GABRB1: variants seen among roughly 807,000 people sequenced by gnomAD.
GABRB1 encodes gamma-aminobutyric acid receptor subunit beta-1.
GABRB1 carries 17 observed loss-of-function variants against 51.6 expected under a neutral mutation model. The ratio of observed to expected loss-of-function variants is 0.33; its 90% CI spans 0.23 to 0.49. The LOEUF (loss-of-function observed/expected upper bound fraction) is 0.49. Ranked by LOEUF, GABRB1 falls within the 20% of genes least tolerant of loss-of-function variation. The pLI, the probability that GABRB1 is intolerant of heterozygous loss-of-function variation, is 0.99. For missense variants in GABRB1, 410 were observed against 600.6 expected (o/e 0.68, Z 3.32); for synonymous variants, 247 against 218.9 (o/e 1.13, Z -1.14).
At chr4:47,355,567 A>G (rs1011649234) in intron 5 of GABRB1, among the ~76,000 whole-genome samples, 2 of 152,164 alleles carry the variant, frequency 1.3e-5, no homozygotes, top group Non-Finnish European at 2.9e-5. Flanking sequence ...TGTGGTCTAA[A>G]GGGTTTCTGA....
intron 3 of GABRB1, among the ~76,000 whole-genome samples, chr4:47,093,542 T>C (rs1193857375): frequency 6.6e-6 from 1 of 152,208 alleles, no homozygotes; most frequent in Admixed American, 6.5e-5. Flanking sequence ...AAAGTTGTAG[T>C]CAGTAATTAT....
intron 4 of GABRB1, among the ~76,000 whole-genome samples, chr4:47,169,943 A>C (rs1210983944): frequency 1.3e-5 from 2 of 152,172 alleles, no homozygotes. Context: ...CCATTATAGA[A>C]ATGAAACTAA....
intron 3 of GABRB1, among the ~76,000 whole-genome samples, chr4:47,074,714 T>C (rs1727476735): frequency 6.6e-6 from 1 of 152,146 alleles, no homozygotes; most frequent in South Asian, 2.1e-4. Context: ...AAGAGATGAC[T>C]TTTGAGCCTT....
intron 4 of GABRB1, among the ~76,000 whole-genome samples, chr4:47,313,925 G>A (rs767170761): frequency 6.6e-6 from 1 of 151,998 alleles, no homozygotes; most frequent in Non-Finnish European, 1.5e-5. Context: ...ATTCAAGTTA[G>A]ACCAGTGAAA....
chr4:47,294,010 G>A (rs2109926417), intron 4 of GABRB1, among the ~76,000 whole-genome samples: 1 of 152,156 alleles, frequency 6.6e-6, no homozygotes, highest in African/African-American at 2.4e-5. Flanking sequence ...ATGCCCCAAA[G>A]CTACAACCCC....
chr4:47,341,124 TA>T (rs2109987252), intron 5 of GABRB1, among the ~76,000 whole-genome samples: 1 of 152,324 alleles, frequency 6.6e-6, no homozygotes, highest in African/African-American at 2.4e-5. Flanking sequence ...GATAGGGCTT[TA>T]TTCTCAACTC....
intron 5 of GABRB1, among the ~76,000 whole-genome samples, chr4:47,364,252 A>G (rs1048505956): frequency 6.6e-5 from 10 of 152,320 alleles, no homozygotes; most frequent in Admixed American, 5.2e-4. Context: ...CATTAGGGGA[A>G]TAATTAAAAA....
chr4:47,038,884 G>A (rs1278347264), intron 3 of GABRB1, among the ~76,000 whole-genome samples: 1 of 152,108 alleles, frequency 6.6e-6, no homozygotes, highest in Admixed American at 6.6e-5. Flanking sequence ...AGAATTAGTA[G>A]ATGTTTATAG....
intron 1 of GABRB1, among the ~76,000 whole-genome samples, chr4:47,023,302 C>T (rs1724979951): frequency 6.6e-6 from 1 of 151,974 alleles, no homozygotes. Context: ...TTTAAATGTA[C>T]ATTTTAAAAT....
chr4:47,257,201 A>C (rs1470694496), intron 4 of GABRB1, among the ~76,000 whole-genome samples: 3 of 152,170 alleles, frequency 2.0e-5, no homozygotes, highest in Non-Finnish European at 4.4e-5. Flanking sequence ...TCAACAAAGT[A>C]GAATAGGACC....
intron 4 of GABRB1, among the ~76,000 whole-genome samples, chr4:47,235,409 C>T: frequency 1.3e-5 from 2 of 152,152 alleles, no homozygotes; most frequent in Non-Finnish European, 2.9e-5. Flanking sequence ...ATTAGCTGGG[C>T]GTGGTGGCAC....
intron 5 of GABRB1, among the ~76,000 whole-genome samples, chr4:47,376,644 C>T (rs977740468): frequency 6.6e-6 from 1 of 152,080 alleles, no homozygotes; most frequent in African/African-American, 2.4e-5. Flanking sequence ...GAGACTCCGT[C>T]TTAAAAACAA....
chr4:47,398,443 ATCT>A (rs1728254525), intron 5 of GABRB1, among the ~76,000 whole-genome samples: 1 of 152,220 alleles, frequency 6.6e-6, no homozygotes. Flanking sequence ...AGACACTCTC[ATCT>A]TCTCCTTAAC....
At chr4:47,293,829 A>G (rs1191695541) in intron 4 of GABRB1, among the ~76,000 whole-genome samples, 3 of 152,236 alleles carry the variant, frequency 2.0e-5, no homozygotes, top group African/African-American at 7.2e-5. Context: ...AAAGTAATGA[A>G]CTTGTATTTC....
intron 5 of GABRB1, among the ~76,000 whole-genome samples, chr4:47,320,905 G>C (rs1725060191): frequency 6.6e-6 from 1 of 152,014 alleles, no homozygotes; most frequent in Admixed American, 6.6e-5. Flanking sequence ...GACTGGCTGG[G>C]ACTATAGGCG....
chr4:47,287,265 G>T (rs1197367704), intron 4 of GABRB1, among the ~76,000 whole-genome samples: 1 of 152,086 alleles, frequency 6.6e-6, no homozygotes, highest in Non-Finnish European at 1.5e-5. Flanking sequence ...GTTTTAATTT[G>T]ATTTACTATA....
At chr4:47,383,439 A>G (rs1196678727) in intron 5 of GABRB1, among the ~76,000 whole-genome samples, 1 of 152,180 alleles carries the variant, frequency 6.6e-6, no homozygotes, top group Non-Finnish European at 1.5e-5. Context: ...AATAAGTATC[A>G]TCTGAGAGTG....
At chr4:47,130,375 G>GTGTGTGTGTGTGTA (rs1284041714) in intron 3 of GABRB1, among the ~76,000 whole-genome samples, 6 of 83,034 alleles carry the variant, frequency 7.2e-5, no homozygotes, top group African/African-American at 2.5e-4. Flanking sequence ...GTGTGTGTGT[G>GTGTGTGTGTGTGTA]TGTGCTTTCT....
At chr4:47,049,758 C>T (rs1481312391) in intron 3 of GABRB1, among the ~76,000 whole-genome samples, 2 of 152,210 alleles carry the variant, frequency 1.3e-5, no homozygotes, top group East Asian at 1.9e-4. Flanking sequence ...AAAGGGTTTA[C>T]TGCAGATGAA....
Sources: gnomAD v4.1 joint callset for allele counts (sites outside exome capture counted in the v4.1 genomes callset) on GRCh38, gnomAD v4.1.1 for gene constraint, MANE v1.5 for transcripts, NCBI Gene and HGNC (gene_info 2026-07-23, HGNC 2026-07-21) for gene names.